The following GALM variants were observed in gnomAD, a reference collection of about 807,000 sequenced individuals.
The protein encoded by GALM is aldose 1-epimerase.
GALM carries 43 observed loss-of-function variants against 37.4 expected under a neutral mutation model. The ratio of observed to expected loss-of-function variants is 1.15; its 90% CI spans 0.90 to 1.48. GALM has a LOEUF of 1.48. Ranked by LOEUF, GALM falls within the 40% of genes most tolerant of loss-of-function variation. GALM has a pLI of 0.00. For missense variants in GALM, 456 were observed against 419.1 expected (o/e 1.09, Z -0.77); for synonymous variants, 199 against 170.6 (o/e 1.17, Z -1.30).
intron 6 of GALM, 34 bp from the exon 7 acceptor site, chr2:38,733,454 G>A: frequency 6.3e-7 from 1 of 1,579,916 alleles, no homozygotes; most frequent in South Asian, 1.1e-5. Flanking sequence ...AGCCTGCGGT[G>A]TCAAGCATCA....
intron 3 of GALM, among the ~76,000 whole-genome samples, chr2:38,683,373 TC>T (rs781075907): frequency 4.6e-5 from 7 of 152,192 alleles, no homozygotes; most frequent in Non-Finnish European, 8.8e-5. Context: ...ATATCCCTTA[TC>T]CAAAATACTT....
At chr2:38,696,958 T>G (rs1444562830) in intron 4 of GALM, among the ~76,000 whole-genome samples, 1 of 151,490 alleles carries the variant, frequency 6.6e-6, no homozygotes, top group Non-Finnish European at 1.5e-5. Context: ...CCCGGCTAAT[T>G]TTTGTATTTT....
At chr2:38,670,415 G>A (rs1306803000) in intron 1 of GALM, among the ~76,000 whole-genome samples, 1 of 152,132 alleles carries the variant, frequency 6.6e-6, no homozygotes, top group South Asian at 2.1e-4. Flanking sequence ...AAGCAGGGAT[G>A]AGGAAAAAAA....
chr2:38,722,077 G>A (rs1034167091), intron 4 of GALM, among the ~76,000 whole-genome samples: 7 of 105,798 alleles, frequency 6.6e-5, no homozygotes, highest in African/African-American at 1.9e-4. Flanking sequence ...CGCATCATGC[G>A]GGCCGGGTGA....
At chr2:38,721,779 G>T (rs1016589014) in intron 4 of GALM, among the ~76,000 whole-genome samples, 1 of 152,108 alleles carries the variant, frequency 6.6e-6, no homozygotes, top group Non-Finnish European at 1.5e-5. Flanking sequence ...GCCTCCCAAA[G>T]TGCTGGGATT....
intron 4 of GALM, among the ~76,000 whole-genome samples, chr2:38,698,067 C>T (rs1350102922): frequency 6.6e-6 from 1 of 152,030 alleles, no homozygotes; most frequent in Non-Finnish European, 1.5e-5. Context: ...CTTCAGCCTC[C>T]CAATTAGCTG....
intron 4 of GALM, among the ~76,000 whole-genome samples, chr2:38,723,429 G>A (rs556938856): frequency 6.6e-5 from 10 of 152,298 alleles, no homozygotes; most frequent in Admixed American, 6.5e-4. Context: ...GAGCCTGCCA[G>A]CTCCCAGAAG....
At chr2:38,673,831 T>TA (rs1313603886) in intron 1 of GALM, among the ~76,000 whole-genome samples, 2 of 141,340 alleles carry the variant, frequency 1.4e-5, no homozygotes, top group East Asian at 2.4e-4. Flanking sequence ...AAAAGGGAAC[T>TA]CAAAAAAAAA....
intron 3 of GALM, among the ~76,000 whole-genome samples, chr2:38,687,464 C>A (rs1048043215): frequency 2.0e-5 from 3 of 152,194 alleles, no homozygotes; most frequent in African/African-American, 7.2e-5. Context: ...AATCCCAGCA[C>A]TTTGGGAGGC....
At chr2:38,675,526 G>GTTTTTT (rs869119386) in intron 1 of GALM, among the ~76,000 whole-genome samples, 2 of 74,620 alleles carry the variant, frequency 2.7e-5, no homozygotes, top group African/African-American at 5.6e-5. Flanking sequence ...GGGTTTTTTT[G>GTTTTTT]TTTTTTTTTT....
intron 4 of GALM, among the ~76,000 whole-genome samples, chr2:38,699,773 C>G (rs1041879628): frequency 6.6e-6 from 1 of 152,098 alleles, no homozygotes; most frequent in Non-Finnish European, 1.5e-5. Context: ...TAGTTTTATT[C>G]CACTGTGGTC....
chr2:38,682,261 G>A (rs1048590298), intron 3 of GALM: 2 of 455,500 alleles, frequency 4.4e-6, no homozygotes, highest in Middle Eastern at 3.3e-4. Flanking sequence ...AGCTCATTGA[G>A]GAGGATATCA....
At chr2:38,687,151 C>G (rs185820917) in intron 3 of GALM, among the ~76,000 whole-genome samples, 239 of 152,342 alleles carry the variant, frequency 1.6e-3, no homozygotes, top group South Asian at 8.3e-3. Context: ...TCCTCTCCCA[C>G]AGTCCCAGGG....
chr2:38,727,845 T>G (rs1666519040), intron 4 of GALM, among the ~76,000 whole-genome samples: 1 of 152,202 alleles, frequency 6.6e-6, no homozygotes, highest in Admixed American at 6.5e-5. Flanking sequence ...TTTAAATGAC[T>G]GGCAATTGGT....
Position 38,666,282 on chromosome 2 carries a change from A to G in GALM, c.121A>G (p.Thr41Ala). The G allele has an allele frequency of 6.2e-7, 1 of 1,613,994 alleles. No individual in the cohort carries two copies. The highest frequency in any genetic ancestry group is 1.7e-5 in the Admixed American group (1 of 60,014). ...VDIISWGCTI[T>A]ALEVKDRQGR... ...CATCATCTCCTGGGGCTGCACGATC[A>G]CAGCCCTAGAGGTCAAAGACAGGCA... Residue 41 changes from threonine (T) to alanine (A), a missense_variant, in exon 1 of 7, where the codon ACA becomes GCA. Thr to Ala is a moderately conservative substitution (Grantham distance 58). Transcript: ENST00000272252.
At chr2:38,669,580 T>C (rs1182863814) in intron 1 of GALM, 1 of 152,220 alleles carries the variant, frequency 6.6e-6, no homozygotes, top group East Asian at 1.9e-4. Flanking sequence ...TTTCAACCTT[T>C]TTTTGTATTT....
chr2:38,678,938 G>C (rs115235830), intron 2 of GALM, among the ~76,000 whole-genome samples: 225 of 152,322 alleles, frequency 1.5e-3, no homozygotes, highest in African/African-American at 5.2e-3. Flanking sequence ...GAGACAGCCA[G>C]TCCTGAGTTT....
chr2:38,711,163 T>C (rs1023861202), intron 4 of GALM, among the ~76,000 whole-genome samples: 2 of 57,980 alleles, frequency 3.4e-5, no homozygotes, highest in Non-Finnish European at 1.0e-4. Flanking sequence ...ACAGATAGCC[T>C]TTTTTTTTTT....
At chr2:38,726,415 A>C (rs979270732) in intron 4 of GALM, among the ~76,000 whole-genome samples, 8 of 150,936 alleles carry the variant, frequency 5.3e-5, no homozygotes, top group African/African-American at 1.9e-4. Flanking sequence ...TTTAGTAGAG[A>C]CGGGTTTTCA....
Sources: gnomAD v4.1 joint callset for allele counts (sites outside exome capture counted in the v4.1 genomes callset) on GRCh38, gnomAD v4.1.1 for gene constraint, MANE v1.5 for transcripts, NCBI Gene and HGNC (gene_info 2026-07-23, HGNC 2026-07-21) for gene names.